Variants in SHISA5 observed in about 807,000 individuals in gnomAD.
The protein encoded by SHISA5 is shisa family member 5, also known as protein shisa-5.
Under a neutral mutation model 27.5 loss-of-function variants are expected in SHISA5, and 21 were observed. The observed-to-expected ratio is 0.76, with a 90% CI of 0.54 to 1.10. SHISA5 has a LOEUF of 1.10. Ranked by LOEUF, SHISA5 falls within the 50% of genes least tolerant of loss-of-function variation. SHISA5 has a pLI of 0.00. For missense variants in SHISA5, 314 were observed against 336.3 expected (o/e 0.93, Z 0.52); for synonymous variants, 137 against 142.2 (o/e 0.96, Z 0.26).
chr3:48,494,882 A>ATGT lies in SHISA5; in HGVS notation c.233+6252_233+6254dup, dbSNP rs1302964793. On this transcript the variant is annotated intron_variant, in intron 2 of 5. Coordinates refer to ENST00000296444, the MANE Select transcript of SHISA5 (RefSeq NM_016479.6). ...GACAATGATTTATATCTGGTCTAGCATGTTGTATACATGAAATGTATACAT... is the reference window on the plus strand; with the variant it reads ...GACAATGATTTATATCTGGTCTAGCATGTTGTTGTATACATGAAATGTATACAT... Among the ~76,000 whole-genome samples, 2 of 147,524 alleles carry ATGT rather than the reference A, an allele frequency of 1.4e-5. 1 individual carries two copies. The highest frequency in any genetic ancestry group is 5.4e-5 in the African/African-American group (2 of 37,298).
intron 2 of SHISA5, among the ~76,000 whole-genome samples, 163 bp downstream of exon 2, chr3:48,500,974 G>T (rs948721352): frequency 6.6e-6 from 1 of 152,132 alleles, no homozygotes; most frequent in Non-Finnish European, 1.5e-5. Flanking sequence ...GGTCTAGGGG[G>T]TCCAGCCCAG....
Position 48,468,550 on chromosome 3 carries a change from A to G in SHISA5, c.*557T>C. 1.7e-6 allele frequency: 2 copies of G among 1,188,814 alleles called. No individual in the cohort carries two copies. Among genetic ancestry groups the G allele is most frequent in the Non-Finnish European group, 2.1e-6 (2 of 942,534 alleles). 73.6% of individuals were successfully genotyped at this position (1,188,814 alleles called of 1,614,324 possible). A position where few individuals can be genotyped will look rare whatever the true frequency, so the allele number is the denominator to read the frequency against. ...CAGGGAGCAATGGGACATCTGCCCAAAGGATCAAAGTCCAACTTGGCCAGA... is the reference window on the plus strand; with the variant it reads ...CAGGGAGCAATGGGACATCTGCCCAGAGGATCAAAGTCCAACTTGGCCAGA... On this transcript the variant is annotated 3_prime_UTR_variant, in exon 6 of 6. Coordinates refer to ENST00000296444, the MANE Select transcript of SHISA5 (RefSeq NM_016479.6).
Position 48,473,728 on chromosome 3 carries a change from G to T in SHISA5, c.315-3885C>A. On this transcript the variant is annotated intron_variant, in intron 3 of 5. Coordinates refer to ENST00000296444, the MANE Select transcript of SHISA5 (RefSeq NM_016479.6). The surrounding 1 kb of genome is among the most constrained non-coding windows in gnomAD (Gnocchi z 4.3). ...TATAATTACATGTTAAACTGAGTGT[G>T]TCTGTGCTTTCCTGTGTATGTATTA... The T allele has an allele frequency of 2.2e-6, 1 of 448,186 alleles. No homozygotes were observed. Among genetic ancestry groups the T allele is most frequent in the Non-Finnish European group, 2.9e-6 (1 of 339,338 alleles). The allele number at this position is 448,186 out of a possible 1,614,324, so 27.8% of individuals were successfully genotyped here. A position where few individuals can be genotyped will look rare whatever the true frequency, so the allele number is the denominator to read the frequency against.
chr3:48,487,909 A>T (rs1279098834), intron 2 of SHISA5, among the ~76,000 whole-genome samples: 1 of 152,210 alleles, frequency 6.6e-6, no homozygotes, highest in Non-Finnish European at 1.5e-5. Context: ...AAACCAAACC[A>T]AACCAAAACA....
chr3:48,474,276 A>G (rs1308798435), intron 3 of SHISA5, among the ~76,000 whole-genome samples: 1 of 151,710 alleles, frequency 6.6e-6, no homozygotes, highest in African/African-American at 2.4e-5. Context: ...TTGTAGAGAC[A>G]GGGTCTCACT....
At position 48,473,390 on chromosome 3, in the gene SHISA5, C is replaced by G. The variant is rs965385104; in HGVS notation, c.315-3547G>C. The G allele has an allele frequency of 6.5e-5, 86 of 1,326,410 alleles. 1 individual carries two copies. Among genetic ancestry groups the G allele is most frequent in the Non-Finnish European group, 8.3e-5 (84 of 1,013,686 alleles). 82.2% of individuals were successfully genotyped at this position (1,326,410 alleles called of 1,614,324 possible). A position where few individuals can be genotyped will look rare whatever the true frequency, so the allele number is the denominator to read the frequency against. ...CCAGCCTCAGTGGGCCCCAACCACA[C>G]TCTAGCTCAGCAGCACCCCCACCCC... On this transcript the variant is annotated intron_variant, in intron 3 of 5. Coordinates refer to ENST00000296444, the MANE Select transcript of SHISA5 (RefSeq NM_016479.6). This position sits in a 1 kb window ranked among gnomAD's most constrained non-coding sequence, Gnocchi z 4.3.
At chr3:48,472,884 A>G in intron 3 of SHISA5, 1 of 1,011,436 alleles carries the variant, frequency 9.9e-7, no homozygotes, top group Non-Finnish European at 1.5e-6. Flanking sequence ...CAGAGGCAGG[A>G]ATGGAGAAAC....
intron 3 of SHISA5, chr3:48,472,934 A>G (rs2040690629): frequency 7.4e-7 from 1 of 1,360,078 alleles, no homozygotes; most frequent in South Asian, 1.2e-5. Flanking sequence ...TGCGACCGCA[A>G]GGCCGTTATC....
chr3:48,480,137 T>A (rs1485211575), intron 2 of SHISA5, among the ~76,000 whole-genome samples: 1 of 151,614 alleles, frequency 6.6e-6, no homozygotes, highest in Non-Finnish European at 1.5e-5. Flanking sequence ...TCTCCTGACC[T>A]CGTGATCCAC....
intron 1 of SHISA5, among the ~76,000 whole-genome samples, chr3:48,501,567 G>C (rs1403974641): frequency 6.6e-6 from 1 of 152,120 alleles, no homozygotes; most frequent in Non-Finnish European, 1.5e-5. Context: ...CTTTCTCAAT[G>C]TGAGTCTGAT....
rs1035744118 is a variant in SHISA5 at position 48,486,571 on chromosome 3, T to G, written c.234-7314A>C. Among the ~76,000 whole-genome samples the G allele has an allele frequency of 5.5e-5, 7 of 127,094 alleles. 1 individual carries two copies. The Admixed American group carries it at 7.2e-4, about 13-fold the overall frequency. The allele number at this position is 127,094 out of a possible 152,430, so 83.4% of individuals were successfully genotyped here. A position where few individuals can be genotyped will look rare whatever the true frequency, so the allele number is the denominator to read the frequency against. On this transcript the variant is annotated intron_variant, in intron 2 of 5. Coordinates refer to ENST00000296444, the MANE Select transcript of SHISA5 (RefSeq NM_016479.6). ...TTATATATTATATAGATTATAGATTTTATATATTATATATTATATATATAG... is the reference window on the plus strand; with the variant it reads ...TTATATATTATATAGATTATAGATTGTATATATTATATATTATATATATAG...
In SHISA5 at chr3:48,468,363, TG is replaced by T. The variant is rs1369594100; in HGVS notation, c.*743del. ...GGCCAGCAAGGGCAGCAGAGCTCCC[TG>T]GGGGCAGCTAGGCTGTGTGTGCATG... On this transcript the variant is annotated 3_prime_UTR_variant, in exon 6 of 6. Coordinates refer to ENST00000296444, the MANE Select transcript of SHISA5 (RefSeq NM_016479.6). 3 of 1,061,152 alleles carry T rather than the reference TG, an allele frequency of 2.8e-6. No individual in the cohort carries two copies. The highest frequency in any genetic ancestry group is 2.3e-6 in the Non-Finnish European group (2 of 875,056). 65.7% of individuals were successfully genotyped at this position (1,061,152 alleles called of 1,614,324 possible).
intron 3 of SHISA5, among the ~76,000 whole-genome samples, chr3:48,472,052 G>A (rs1275585971): frequency 1.3e-5 from 2 of 151,678 alleles, no homozygotes; most frequent in African/African-American, 4.8e-5. Flanking sequence ...GCGTAGTGGC[G>A]CAAAACTGTA....
At chr3:48,491,605 C>A (rs897465096) in intron 2 of SHISA5, among the ~76,000 whole-genome samples, 1 of 152,014 alleles carries the variant, frequency 6.6e-6, no homozygotes, top group Non-Finnish European at 1.5e-5. Context: ...TTTGGCTTTT[C>A]GTTGACAGCA....
At chr3:48,477,365 G>A (rs1339787782) in intron 3 of SHISA5, among the ~76,000 whole-genome samples, 1 of 152,052 alleles carries the variant, frequency 6.6e-6, no homozygotes, top group Admixed American at 6.6e-5. Flanking sequence ...CAAAGTGCTG[G>A]GATTATAAGC....
In SHISA5 at chr3:48,479,221, G is replaced by C; in HGVS notation, c.270C>G (p.Gly90=). The C allele has an allele frequency of 6.3e-7, 1 of 1,576,336 alleles. No homozygotes were observed. The highest frequency in any genetic ancestry group is 8.6e-7 in the Non-Finnish European group (1 of 1,161,472). ...AGCCAGGGCGAAACCTCAGCGCCGA[G>C]CCCAGCTGCTCCACCGGCTCTACAC... ...PASVEPVEQL[G]SALRFRPGYN... The change falls in exon 3 of 6, where the codon GGC becomes GGG. Residue 90 remains glycine, a synonymous_variant. Coordinates refer to ENST00000296444, the MANE Select transcript of SHISA5 (RefSeq NM_016479.6).
At position 48,468,909 on chromosome 3, in the gene SHISA5, T is replaced by G. The variant is rs1429071540; in HGVS notation, c.*198A>C. 6.5e-7 allele frequency: 1 copy of G among 1,540,262 alleles called. No individual in the cohort carries two copies. The highest frequency in any genetic ancestry group is 2.4e-5 in the East Asian group (1 of 40,942). Reference sequence around the variant, plus strand: ...AGAACAAAGTCTGGTCCCAGCCCACTCTGGCAAGGATTGTTCCCCACCTTG... The same window carrying G: ...AGAACAAAGTCTGGTCCCAGCCCACGCTGGCAAGGATTGTTCCCCACCTTG... On this transcript the variant is annotated 3_prime_UTR_variant, in exon 6 of 6. Transcript: ENST00000296444.
chr3:48,504,247 G>T (rs192178993), upstream of SHISA5: 1,802 of 371,576 alleles, frequency 4.8e-3, 19 homozygotes, highest in African/African-American at 0.034. This position sits in a 1 kb window ranked among gnomAD's most constrained non-coding sequence, Gnocchi z 4.0. Context: ...GGAGGAGGAG[G>T]AGGGAGGAGG....
intron 2 of SHISA5, among the ~76,000 whole-genome samples, chr3:48,496,421 G>A (rs1182071204): frequency 4.6e-5 from 7 of 151,864 alleles, no homozygotes; most frequent in African/African-American, 1.5e-4. Context: ...GTGAAACCCC[G>A]TCTCTACTAA....
Sources: allele counts gnomAD v4.1 joint callset (sites outside exome capture counted in the v4.1 genomes callset), GRCh38; gene constraint gnomAD v4.1.1; non-coding constraint Gnocchi (gnomAD v3.1); transcripts MANE v1.5; gene names NCBI Gene and HGNC (gene_info 2026-07-23, HGNC 2026-07-21).